OSBPL1A: variants seen among roughly 807,000 people sequenced by gnomAD.
OSBPL1A encodes oxysterol binding protein like 1A.
A neutral mutation model predicts 137.1 loss-of-function variants in OSBPL1A; 80 were observed. The observed-to-expected ratio is 0.58, with a 90% CI of 0.49 to 0.70. The LOEUF is 0.70. Ranked by LOEUF, OSBPL1A falls within the 30% of genes least tolerant of loss-of-function variation. The pLI is 0.00. For missense variants in OSBPL1A, 970 were observed against 1,129.4 expected (o/e 0.86, Z 2.02); for synonymous variants, 365 against 389.7 (o/e 0.94, Z 0.75).
intron 18 of OSBPL1A, among the ~76,000 whole-genome samples, chr18:24,191,775 G>A (rs1260281068): frequency 6.6e-6 from 1 of 152,194 alleles, no homozygotes; most frequent in African/African-American, 2.4e-5. Context: ...GAAGAGAGAT[G>A]ATAGCTGAAG....
chr18:24,366,516 T>C (rs1409541983), intron 4 of OSBPL1A: 2 of 157,650 alleles, frequency 1.3e-5, no homozygotes, highest in African/African-American at 2.4e-5. Flanking sequence ...ACATCTTTAG[T>C]GTACAAGGTC....
chr18:24,346,290 ATTT>A (rs1171029475), intron 4 of OSBPL1A, among the ~76,000 whole-genome samples: 1 of 152,016 alleles, frequency 6.6e-6, no homozygotes, highest in African/African-American at 2.4e-5. Flanking sequence ...TGCCCAGATT[ATTT>A]TTTTTAAATA....
intron 13 of OSBPL1A, among the ~76,000 whole-genome samples, chr18:24,308,681 C>T (rs2090554919): frequency 1.3e-5 from 2 of 152,292 alleles, no homozygotes; most frequent in South Asian, 2.1e-4. Context: ...TATTCTATAT[C>T]TTCGCTGTCC....
intron 1 of OSBPL1A, among the ~76,000 whole-genome samples, chr18:24,394,861 A>C (rs1907627392): frequency 6.6e-6 from 1 of 152,172 alleles, no homozygotes; most frequent in African/African-American, 2.4e-5. Flanking sequence ...GCAGGCTGAT[A>C]AATAAAAGTA....
At chr18:24,239,546 T>G (rs1009533509) in intron 15 of OSBPL1A, among the ~76,000 whole-genome samples, 164 bp from the exon 16 acceptor site, 1 of 152,200 alleles carries the variant, frequency 6.6e-6, no homozygotes, top group Admixed American at 6.5e-5. Flanking sequence ...ATTATTAAAC[T>G]AATTTTGTTC....
rs796595946 is a variant in OSBPL1A at position 24,309,360 on chromosome 18, C to T, written c.1092+2624G>A. Among the ~76,000 whole-genome samples the T allele has an allele frequency of 2.2e-4, 33 of 152,224 alleles. 2 individuals carry two copies. Among genetic ancestry groups the T allele is most frequent in the African/African-American group, 7.5e-4 (31 of 41,522 alleles). ...ACTAACTCACTCTCTCTCTCTCTTT[C>T]CTTCTAAGAGACAGGGACTCACTAT... On this transcript the variant is annotated intron_variant, in intron 13 of 27. Transcript: ENST00000319481.
intron 14 of OSBPL1A, among the ~76,000 whole-genome samples, chr18:24,301,951 G>A (rs1471019404): frequency 2.0e-5 from 3 of 152,252 alleles, no homozygotes; most frequent in Admixed American, 1.3e-4. Flanking sequence ...AATCATGGCC[G>A]GGCGTGGTGG....
At chr18:24,230,440 CAACA>C (rs1366242098) in intron 16 of OSBPL1A, among the ~76,000 whole-genome samples, 1 of 152,088 alleles carries the variant, frequency 6.6e-6, no homozygotes, top group Admixed American at 6.6e-5. Flanking sequence ...ATAAAAACAA[CAACA>C]AACAAACAAA....
intron 15 of OSBPL1A, among the ~76,000 whole-genome samples, chr18:24,246,939 T>C (rs1567973181): frequency 6.6e-6 from 1 of 152,100 alleles, no homozygotes; most frequent in African/African-American, 2.4e-5. Context: ...AGACTGACTA[T>C]GTGATATAAG....
At position 24,271,686 on chromosome 18, in the gene OSBPL1A, G is replaced by C; in HGVS notation, c.1281+9156C>G. 1.0e-6 allele frequency: 1 copy of C among 985,898 alleles called. No individual in the cohort carries two copies. The highest frequency in any genetic ancestry group is 1.2e-6 in the Non-Finnish European group (1 of 830,316). 61.1% of individuals were successfully genotyped at this position (985,898 alleles called of 1,614,324 possible). On this transcript the variant is annotated intron_variant, in intron 15 of 27. Coordinates refer to ENST00000319481, the MANE Select transcript of OSBPL1A (RefSeq NM_080597.4). This position sits in a 1 kb window ranked among gnomAD's most constrained non-coding sequence, Gnocchi z 4.0. ...CTGCGCTCCTCGCAAGCTCCAGCGC[G>C]AATGCGCTCGGCCTGCTCCTCCTCC...
intron 15 of OSBPL1A, among the ~76,000 whole-genome samples, chr18:24,258,925 C>CTTTTTT (rs543867145): frequency 3.2e-5 from 3 of 92,728 alleles, no homozygotes; most frequent in African/African-American, 4.1e-5. Flanking sequence ...AAAATTACAT[C>CTTTTTT]TTTTTTTTTT....
intron 15 of OSBPL1A, among the ~76,000 whole-genome samples, chr18:24,251,739 G>A (rs552188106): frequency 3.9e-4 from 59 of 152,220 alleles, no homozygotes; most frequent in African/African-American, 1.4e-3. Context: ...AAGGCAGCAG[G>A]GGCCGATCCT....
intron 15 of OSBPL1A, among the ~76,000 whole-genome samples, chr18:24,273,676 A>T (rs1294327317): frequency 6.6e-6 from 1 of 152,234 alleles, no homozygotes; most frequent in Non-Finnish European, 1.5e-5. Context: ...TGCTACAAAA[A>T]TAACTAAGAT....
At chr18:24,167,570 C>A in intron 24 of OSBPL1A, 125 bp from the exon 25 acceptor site, 1 of 772,386 alleles carries the variant, frequency 1.3e-6, no homozygotes, top group Non-Finnish European at 2.2e-6. Context: ...AAGGTTATAG[C>A]GGAGCATGTA....
At chr18:24,363,319 A>C (rs748696219) in intron 4 of OSBPL1A, among the ~76,000 whole-genome samples, 2 of 152,098 alleles carry the variant, frequency 1.3e-5, no homozygotes, top group Non-Finnish European at 2.9e-5. Context: ...GTTGCTAGAG[A>C]CTGTCCACCT....
intron 14 of OSBPL1A, among the ~76,000 whole-genome samples, chr18:24,293,253 AGGGGG>A (rs2090218895): frequency 1.3e-5 from 2 of 152,102 alleles, no homozygotes; most frequent in Admixed American, 6.6e-5. Context: ...CCTGGCACAG[AGGGGG>A]AAAGGGGAGA....
At chr18:24,337,485 C>A (rs1367083858) in intron 5 of OSBPL1A, among the ~76,000 whole-genome samples, 1 of 149,608 alleles carries the variant, frequency 6.7e-6, no homozygotes, top group Admixed American at 6.7e-5. Context: ...GCAGAAGAGT[C>A]GCTTGAGCCC....
chr18:24,334,381 A>C, intron 5 of OSBPL1A, 51 bp from the exon 6 acceptor site: 1 of 1,419,092 alleles, frequency 7.0e-7, no homozygotes, highest in South Asian at 1.3e-5. Flanking sequence ...TCCAATTACA[A>C]ATTCATTATA....
intron 15 of OSBPL1A, among the ~76,000 whole-genome samples, chr18:24,254,938 T>C (rs2089226498): frequency 6.6e-6 from 1 of 151,876 alleles, no homozygotes; most frequent in Non-Finnish European, 1.5e-5. Flanking sequence ...ATAAACAAAA[T>C]TGACAAACCT....
Sources: allele counts gnomAD v4.1 joint callset (sites outside exome capture counted in the v4.1 genomes callset), GRCh38; gene constraint gnomAD v4.1.1; non-coding constraint Gnocchi (gnomAD v3.1); transcripts MANE v1.5; gene names NCBI Gene and HGNC (gene_info 2026-07-23, HGNC 2026-07-21).